The following NPAS3 variants were observed in gnomAD, a reference collection of about 807,000 sequenced individuals.
The protein encoded by NPAS3 is neuronal PAS domain-containing protein 3.
A neutral mutation model predicts 73.1 loss-of-function variants in NPAS3; 14 were observed. The observed-to-expected ratio is 0.19, with a 90% CI of 0.13 to 0.30. The LOEUF (loss-of-function observed/expected upper bound fraction) is 0.30. NPAS3 is among the 10% of genes least tolerant of loss of function. NPAS3 has a pLI of 1.00. For synonymous variants in NPAS3, 620 were observed against 541.5 expected, an observed-to-expected ratio of 1.14 and a Z score of -2.01; for missense variants, 1,096 against 1,250.0, an observed-to-expected ratio of 0.88 and a Z score of 1.86.
At chr14:32,950,472 C>T (rs2036438213) in intron 1 of NPAS3, among the ~76,000 whole-genome samples, 1 of 152,046 alleles carries the variant, frequency 6.6e-6, no homozygotes, top group South Asian at 2.1e-4. Context: ...TAATTTCATA[C>T]ATGCATATAT....
At chr14:33,354,457 G>A (rs190011084) in intron 3 of NPAS3, among the ~76,000 whole-genome samples, 3 of 152,172 alleles carry the variant, frequency 2.0e-5, no homozygotes, top group South Asian at 2.1e-4. Context: ...CTGGTTCCCC[G>A]CTTCTGCCTC....
At chr14:33,758,459 T>C (rs1264000341) in intron 7 of NPAS3, among the ~76,000 whole-genome samples, 1 of 152,206 alleles carries the variant, frequency 6.6e-6, no homozygotes, top group Non-Finnish European at 1.5e-5. Context: ...GTGCAACTCC[T>C]GGACAAGCTG....
intron 2 of NPAS3, among the ~76,000 whole-genome samples, chr14:33,093,293 T>G (rs1034792763): frequency 1.3e-5 from 2 of 151,874 alleles, no homozygotes; most frequent in Non-Finnish European, 2.9e-5. Context: ...AACAACCCTA[T>G]CAAAAAGTGG....
At chr14:33,101,281 C>T (rs889894205) in intron 2 of NPAS3, among the ~76,000 whole-genome samples, 1 of 152,042 alleles carries the variant, frequency 6.6e-6, no homozygotes, top group Non-Finnish European at 1.5e-5. Flanking sequence ...CTAGTTGTTA[C>T]TGGGACTCTT....
chr14:33,154,084 A>T (rs1029259082), intron 2 of NPAS3, among the ~76,000 whole-genome samples: 3 of 152,174 alleles, frequency 2.0e-5, no homozygotes, highest in Non-Finnish European at 4.4e-5. Flanking sequence ...TTATGGAAAA[A>T]TATAGGTAGA....
intron 4 of NPAS3, among the ~76,000 whole-genome samples, chr14:33,533,311 G>GACAA (rs1221330758): frequency 6.6e-6 from 1 of 152,038 alleles, no homozygotes; most frequent in Non-Finnish European, 1.5e-5. Flanking sequence ...TCAACAAGAA[G>GACAA]ACAAACATGC....
intron 3 of NPAS3, among the ~76,000 whole-genome samples, chr14:33,350,385 A>T (rs139306163): frequency 2.6e-5 from 4 of 152,352 alleles, no homozygotes; most frequent in African/African-American, 7.2e-5. Flanking sequence ...CACATTTGCT[A>T]AATTTCAGCT....
At chr14:33,259,306 G>A (rs1184765731) in intron 3 of NPAS3, among the ~76,000 whole-genome samples, 4 of 151,230 alleles carry the variant, frequency 2.6e-5, no homozygotes, top group Admixed American at 2.6e-4. Flanking sequence ...TTTTTTCTCT[G>A]TAGAAGACTA....
intron 4 of NPAS3, among the ~76,000 whole-genome samples, chr14:33,416,714 A>C (rs1021193962): frequency 1.1e-4 from 16 of 152,062 alleles, no homozygotes; most frequent in African/African-American, 3.6e-4. Context: ...TTCTTACTCC[A>C]TCACAAGAAT....
intron 2 of NPAS3, among the ~76,000 whole-genome samples, chr14:33,200,410 GTTTCT>G (rs1451707563): frequency 2.6e-5 from 4 of 152,090 alleles, no homozygotes; most frequent in African/African-American, 4.8e-5. Flanking sequence ...AATAATTATG[GTTTCT>G]TTTCTTCTAA....
chr14:33,793,088 T>C (rs1447522154), intron 9 of NPAS3, among the ~76,000 whole-genome samples: 1 of 152,218 alleles, frequency 6.6e-6, no homozygotes, highest in East Asian at 1.9e-4. Context: ...TTGGTTCAAG[T>C]ATCATTTTTA....
chr14:33,009,004 T>G (rs1369971017), intron 1 of NPAS3, among the ~76,000 whole-genome samples: 1 of 152,186 alleles, frequency 6.6e-6, no homozygotes, highest in African/African-American at 2.4e-5. Context: ...TAGCATCATA[T>G]TGTTTTAAAA....
At chr14:33,459,974 A>G (rs775510754) in intron 4 of NPAS3, among the ~76,000 whole-genome samples, 3 of 152,206 alleles carry the variant, frequency 2.0e-5, no homozygotes, top group Non-Finnish European at 2.9e-5. Flanking sequence ...TAGTTATTCA[A>G]TAATTATATG....
chr14:33,750,188 C>T (rs2061920689), intron 7 of NPAS3, among the ~76,000 whole-genome samples: 1 of 151,194 alleles, frequency 6.6e-6, no homozygotes, highest in Admixed American at 6.6e-5. Flanking sequence ...ATGTTGGATG[C>T]TTGGGTTATG....
At chr14:33,238,662 C>T (rs950609382) in intron 3 of NPAS3, among the ~76,000 whole-genome samples, 3 of 151,784 alleles carry the variant, frequency 2.0e-5, no homozygotes, top group Admixed American at 6.6e-5. Context: ...AAATGAAAAC[C>T]AAGTTTAATT....
At chr14:32,979,549 C>T (rs900921478) in intron 1 of NPAS3, among the ~76,000 whole-genome samples, 1 of 152,086 alleles carries the variant, frequency 6.6e-6, no homozygotes, top group African/African-American at 2.4e-5. Flanking sequence ...AGCCACTGTT[C>T]TGTACTTTAC....
chr14:33,470,696 T>C (rs1265014779), intron 4 of NPAS3, among the ~76,000 whole-genome samples: 1 of 152,148 alleles, frequency 6.6e-6, no homozygotes, highest in Non-Finnish European at 1.5e-5. Context: ...ATGTTAACAT[T>C]CTATTTTCTA....
intron 2 of NPAS3, among the ~76,000 whole-genome samples, chr14:33,157,623 A>T (rs900195835): frequency 1.3e-5 from 2 of 152,194 alleles, no homozygotes; most frequent in Non-Finnish European, 2.9e-5. Context: ...AGCTTGTAAA[A>T]ACCTGTGGTT....
At chr14:33,727,588 T>C (rs1416784025) in intron 6 of NPAS3, among the ~76,000 whole-genome samples, 1 of 151,252 alleles carries the variant, frequency 6.6e-6, no homozygotes, top group Non-Finnish European at 1.5e-5. Flanking sequence ...ATGCCCTTTG[T>C]CTGACATGAT....
Sources: gnomAD v4.1 joint callset for allele counts (sites outside exome capture counted in the v4.1 genomes callset) on GRCh38, gnomAD v4.1.1 for gene constraint, MANE v1.5 for transcripts, NCBI Gene and HGNC (gene_info 2026-07-23, HGNC 2026-07-21) for gene names.